The following C1orf87 variants were observed in gnomAD, a reference collection of about 807,000 sequenced individuals.
C1orf87 encodes the protein chromosome 1 open reading frame 87, also known as uncharacterized protein C1orf87.
C1orf87 carries 58 observed loss-of-function variants against 60.5 expected under a neutral mutation model. The ratio of observed to expected loss-of-function variants is 0.96; its 90% CI spans 0.78 to 1.19. The LOEUF (loss-of-function observed/expected upper bound fraction) is 1.19, where lower values mean the gene tolerates loss of function less well. Among genes scored for constraint, C1orf87 ranks in the 50% most tolerant of loss-of-function variants. The pLI is 0.00. For synonymous variants in C1orf87, 236 were observed against 227.4 expected (o/e 1.04, Z -0.34); for missense variants, 673 against 638.6 (o/e 1.05, Z -0.58).
chr1:60,021,575 C>A (rs1400176713), intron 8 of C1orf87, among the ~76,000 whole-genome samples: 4 of 152,070 alleles, frequency 2.6e-5, no homozygotes, highest in African/African-American at 9.7e-5. Flanking sequence ...GTCAATGTAT[C>A]CCCAACCCCC....
chr1:60,043,739 C>A (rs1238106478), intron 3 of C1orf87, among the ~76,000 whole-genome samples: 1 of 152,030 alleles, frequency 6.6e-6, no homozygotes, highest in Non-Finnish European at 1.5e-5. Flanking sequence ...TGTTTCTTTG[C>A]AAATTATTTG....
intron 3 of C1orf87, among the ~76,000 whole-genome samples, chr1:60,054,133 T>C (rs1645435613): frequency 6.6e-6 from 1 of 152,212 alleles, no homozygotes; most frequent in African/African-American, 2.4e-5. Flanking sequence ...CTCTGCAGAT[T>C]CACTATCTTT....
intron 8 of C1orf87, among the ~76,000 whole-genome samples, chr1:60,023,810 A>C (rs2100273800): frequency 6.6e-6 from 1 of 152,086 alleles, no homozygotes; most frequent in African/African-American, 2.4e-5. Context: ...AGTTACTCAG[A>C]TCTTCCTCAT....
intron 7 of C1orf87, among the ~76,000 whole-genome samples, chr1:60,030,878 AC>A (rs1298359846): frequency 6.6e-6 from 1 of 152,234 alleles, no homozygotes; most frequent in East Asian, 1.9e-4. Context: ...ATGCTTCTAT[AC>A]TGATCTTTGT....
intron 2 of C1orf87, among the ~76,000 whole-genome samples, chr1:60,061,595 A>G (rs1216231950): frequency 6.6e-6 from 1 of 151,520 alleles, no homozygotes; most frequent in Non-Finnish European, 1.5e-5. Flanking sequence ...CTATATCCTC[A>G]CCATCCTTCT....
intron 11 of C1orf87, among the ~76,000 whole-genome samples, chr1:59,991,869 C>A (rs1574288479): frequency 1.3e-5 from 2 of 152,252 alleles, no homozygotes; most frequent in East Asian, 3.9e-4. Context: ...ATAACTCACT[C>A]ATAAGCCCCT....
At chr1:60,064,306 A>G (rs553458661) in intron 2 of C1orf87, among the ~76,000 whole-genome samples, 2 of 129,732 alleles carry the variant, frequency 1.5e-5, no homozygotes, top group Non-Finnish European at 3.2e-5. Flanking sequence ...TATTTTATAT[A>G]TAATATATAA....
chr1:60,067,218 T>C (rs959517383), intron 2 of C1orf87, among the ~76,000 whole-genome samples: 2 of 152,236 alleles, frequency 1.3e-5, no homozygotes, highest in African/African-American at 2.4e-5. Context: ...TTTCTGGTTC[T>C]AAATCCTTGA....
Position 60,041,087 on chromosome 1 carries a change from TC to T in C1orf87, c.386del (p.Gly129GlufsTer25), listed in dbSNP as rs1240813815. The T allele has an allele frequency of 6.2e-7, 1 of 1,612,432 alleles. No homozygotes were observed. On this transcript the variant is annotated frameshift_variant, in exon 4 of 12. Coordinates refer to ENST00000371201, the MANE Select transcript of C1orf87 (RefSeq NM_152377.3). LOFTEE classifies it high-confidence loss of function. ...ANVHCSSVPTGDQSLSYVHGI... is the reference protein window; with the variant it reads ...ANVHCSSVPTXDQSLSYVHGI... ...CATGCACATAGGATAAGGACTGGTC[TC>T]CGGTTGGTACAGAGCTGCAGTGGAC...
intron 3 of C1orf87, among the ~76,000 whole-genome samples, chr1:60,041,715 C>T (rs1645326192): frequency 6.6e-6 from 1 of 152,100 alleles, no homozygotes; most frequent in Non-Finnish European, 1.5e-5. Flanking sequence ...AGAAGGTAGG[C>T]CTTGCTGGCT....
chr1:59,996,001 C>T lies in C1orf87; in HGVS notation c.1480+1608G>A, dbSNP rs557378738. ...CTCTAACACAGTTCTAGGCTCATAA[C>T]GTATTTTTAATAAATAACTTTATAA... On this transcript the variant is annotated intron_variant, in intron 11 of 11. Transcript: ENST00000371201. 8.7e-4 allele frequency among the ~76,000 whole-genome samples: 133 copies of T among 152,238 alleles called. 1 individual carries two copies. Among genetic ancestry groups the T allele is most frequent in the Non-Finnish European group, 1.5e-3 (104 of 68,030 alleles).
chr1:60,001,693 C>T (rs969267064), intron 9 of C1orf87, among the ~76,000 whole-genome samples: 8 of 152,066 alleles, frequency 5.3e-5, no homozygotes, highest in African/African-American at 1.7e-4. Context: ...GGACGTCTTC[C>T]TGTGGTCCTG....
At chr1:60,026,177 T>A (rs1016162135) in intron 7 of C1orf87, among the ~76,000 whole-genome samples, 26 of 152,190 alleles carry the variant, frequency 1.7e-4, no homozygotes, top group African/African-American at 6.0e-4. Flanking sequence ...TTTTAGGGTG[T>A]AGTAACTTTT....
At chr1:60,008,801 C>A (rs951247232) in intron 9 of C1orf87, 1 of 424,108 alleles carries the variant, frequency 2.4e-6, no homozygotes, top group African/African-American at 2.0e-5. Flanking sequence ...AGTGCAGCCA[C>A]CTTCTTAGAG....
intron 8 of C1orf87, among the ~76,000 whole-genome samples, chr1:60,011,239 C>T (rs1407341623): frequency 1.3e-5 from 2 of 151,950 alleles, no homozygotes; most frequent in African/African-American, 4.8e-5. Context: ...CATTGAAAAT[C>T]ACTTATATTT....
intron 4 of C1orf87, among the ~76,000 whole-genome samples, 189 bp downstream of exon 4, chr1:60,040,802 A>G (rs937180260): frequency 7.8e-5 from 11 of 141,464 alleles, no homozygotes; most frequent in Non-Finnish European, 1.4e-4. Context: ...TATGTTGTCC[A>G]GGCTGGTCTC....
chr1:59,996,135 A>G (rs1287485466), intron 11 of C1orf87, among the ~76,000 whole-genome samples: 1 of 152,198 alleles, frequency 6.6e-6, no homozygotes, highest in East Asian at 1.9e-4. Flanking sequence ...CTCGTGGTCT[A>G]GAATTAAGTT....
At chr1:60,010,866 C>T (rs1574299279) in intron 8 of C1orf87, 1 of 134,610 alleles carries the variant, frequency 7.4e-6, no homozygotes, top group Admixed American at 8.3e-5. Flanking sequence ...GTTGCTACTG[C>T]TGTTGATATA....
At chr1:60,003,485 C>CA (rs201769589) in intron 9 of C1orf87, among the ~76,000 whole-genome samples, 63 of 150,138 alleles carry the variant, frequency 4.2e-4, no homozygotes, top group East Asian at 2.9e-3. Flanking sequence ...AAAAAAATCA[C>CA]AAAAAAAAAG....
Sources: allele counts gnomAD v4.1 joint callset (sites outside exome capture counted in the v4.1 genomes callset), GRCh38; gene constraint gnomAD v4.1.1; transcripts MANE v1.5; gene names NCBI Gene and HGNC (gene_info 2026-07-23, HGNC 2026-07-21).